Variants in PALM2AKAP2 observed in about 807,000 individuals in gnomAD.
PALM2AKAP2 encodes PALM2 and AKAP2 fusion.
A neutral mutation model predicts 71.5 loss-of-function variants in PALM2AKAP2; 37 were observed. The ratio of observed to expected loss-of-function variants is 0.52; its 90% confidence interval spans 0.40 to 0.68. The LOEUF is 0.68. Ranked by LOEUF, PALM2AKAP2 falls within the 30% of genes least tolerant of loss-of-function variation. The pLI, the probability that PALM2AKAP2 is intolerant of heterozygous loss-of-function variation, is 0.00. For missense variants in PALM2AKAP2, 1,224 were observed against 1,191.8 expected (o/e 1.03, Z -0.40); for synonymous variants, 468 against 478.8 (o/e 0.98, Z 0.29).
intron 6 of PALM2AKAP2, among the ~76,000 whole-genome samples, chr9:109,959,389 T>C (rs557884068): frequency 1.3e-5 from 2 of 152,268 alleles, no homozygotes; most frequent in East Asian, 3.9e-4. Context: ...CTCAAGCCTG[T>C]AATCCCAGCA....
chr9:109,899,010 G>A (rs1210172258), intron 3 of PALM2AKAP2, among the ~76,000 whole-genome samples: 1 of 152,030 alleles, frequency 6.6e-6, no homozygotes, highest in Non-Finnish European at 1.5e-5. Context: ...CTTGACTTGG[G>A]GCTCCTTTCT....
At chr9:110,071,144 ACAGAGCGAGACT>A (rs1426339481) in intron 1 of PALM2AKAP2, among the ~76,000 whole-genome samples, 1 of 101,760 alleles carries the variant, frequency 9.8e-6, no homozygotes, top group Non-Finnish European at 1.9e-5. Flanking sequence ...AGCCTGGGCA[ACAGAGCGAGACT>A]CTGTTTCAAA....
At chr9:109,962,854 G>C (rs1831878489) in intron 6 of PALM2AKAP2, among the ~76,000 whole-genome samples, 2 of 152,212 alleles carry the variant, frequency 1.3e-5, no homozygotes, top group African/African-American at 4.8e-5. Flanking sequence ...ATGTTGGCCA[G>C]GCTGGTCTCA....
chr9:109,752,310 A>G (rs562229042), intron 1 of PALM2AKAP2, among the ~76,000 whole-genome samples: 6 of 152,266 alleles, frequency 3.9e-5, no homozygotes, highest in African/African-American at 1.2e-4. Context: ...TTAGCAAGCC[A>G]CAGCTTTTCA....
At chr9:109,783,063 C>A (rs1826862421) in intron 1 of PALM2AKAP2, among the ~76,000 whole-genome samples, 2 of 152,070 alleles carry the variant, frequency 1.3e-5, no homozygotes. Flanking sequence ...CTCTCAGAGG[C>A]AGAGAATCGA....
At chr9:109,916,227 G>A (rs1268776420) in intron 3 of PALM2AKAP2, among the ~76,000 whole-genome samples, 3 of 152,178 alleles carry the variant, frequency 2.0e-5, no homozygotes, top group African/African-American at 7.2e-5. Context: ...TTGTAAGTAA[G>A]AAGGGCAAAG....
At chr9:110,023,148 C>T (rs260190) in intron 7 of PALM2AKAP2, among the ~76,000 whole-genome samples, 78,404 of 149,220 alleles carry the variant, frequency 0.53, 20,703 homozygotes, top group Admixed American at 0.58. Context: ...CCTGAGGAAT[C>T]GCCACACTGA....
chr9:110,097,210 C>T (rs887116239), intron 1 of PALM2AKAP2, among the ~76,000 whole-genome samples: 8 of 150,754 alleles, frequency 5.3e-5, no homozygotes, highest in Non-Finnish European at 1.2e-4. Flanking sequence ...TTGCACCGCC[C>T]TTAATCCATT....
At chr9:109,769,520 A>G (rs1729823720) in intron 1 of PALM2AKAP2, among the ~76,000 whole-genome samples, 1 of 152,190 alleles carries the variant, frequency 6.6e-6, no homozygotes, top group South Asian at 2.1e-4. Context: ...TTTTCCTTGG[A>G]AGCCACAGAG....
At chr9:110,085,997 C>G (rs564343192) in intron 1 of PALM2AKAP2, among the ~76,000 whole-genome samples, 2 of 151,718 alleles carry the variant, frequency 1.3e-5, no homozygotes, top group South Asian at 2.1e-4. Context: ...ATCCTGGCTA[C>G]TCGGGAGGTT....
intron 1 of PALM2AKAP2, among the ~76,000 whole-genome samples, chr9:109,786,174 G>T (rs1826960459): frequency 6.6e-6 from 1 of 152,250 alleles, no homozygotes; most frequent in South Asian, 2.1e-4. Context: ...TGAGTACCAG[G>T]CTTGGAGTGT....
chr9:109,881,498 G>C lies in PALM2AKAP2; in HGVS notation c.257+817G>C, dbSNP rs5028613. The stretch of plus-strand genomic sequence containing the variant: ...TGGGATTGAAATGAAGAGTGTGGAA[G>C]TGCTGAGTGAGAGCACCTCTGTAGG... On this transcript the variant is annotated intron_variant, in intron 3 of 9. Coordinates refer to the PALM2AKAP2 transcript ENST00000302798. Among the ~76,000 whole-genome samples the C allele has an allele frequency of 1.1e-4, 17 of 152,316 alleles. No homozygotes were observed. The East Asian group carries it at 3.3e-3, about 29-fold the overall frequency.
At chr9:109,974,852 G>A (rs1357784809) in intron 6 of PALM2AKAP2, among the ~76,000 whole-genome samples, 1 of 152,164 alleles carries the variant, frequency 6.6e-6, no homozygotes, top group Non-Finnish European at 1.5e-5. Context: ...CAAGAAGCAA[G>A]CACAGATGCA....
intron 1 of PALM2AKAP2, among the ~76,000 whole-genome samples, chr9:109,783,900 A>G (rs1042736912): frequency 1.3e-5 from 2 of 152,256 alleles, no homozygotes. Flanking sequence ...TCTGTGGAAT[A>G]TCCGCCCCCA....
intron 1 of PALM2AKAP2, among the ~76,000 whole-genome samples, chr9:110,057,064 G>A (rs1833857553): frequency 1.3e-5 from 2 of 152,098 alleles, no homozygotes; most frequent in South Asian, 2.1e-4. Context: ...CGGTTCCCAG[G>A]CAGGATGGTA....
chr9:110,003,944 C>T (rs1414715320), intron 6 of PALM2AKAP2, among the ~76,000 whole-genome samples: 9 of 152,096 alleles, frequency 5.9e-5, no homozygotes, highest in Non-Finnish European at 8.8e-5. Context: ...AGGTAGGTTT[C>T]CTGAATATAG....
chr9:109,725,458 A>G (rs1463848890), intron 1 of PALM2AKAP2, among the ~76,000 whole-genome samples: 1 of 152,218 alleles, frequency 6.6e-6, no homozygotes, highest in African/African-American at 2.4e-5. Flanking sequence ...CAAAATGTTT[A>G]GGTATGCTTA....
chr9:110,017,018 T>C (rs1202005927), intron 7 of PALM2AKAP2, among the ~76,000 whole-genome samples: 1 of 152,166 alleles, frequency 6.6e-6, no homozygotes, highest in Non-Finnish European at 1.5e-5. Flanking sequence ...TAGCTGGGAC[T>C]ACAGGCGCCA....
intron 7 of PALM2AKAP2, among the ~76,000 whole-genome samples, chr9:110,021,242 C>T (rs914480732): frequency 1.3e-5 from 2 of 152,158 alleles, no homozygotes; most frequent in Non-Finnish European, 2.9e-5. Flanking sequence ...GGGACTGAGG[C>T]AGAGGTTGAA....
Sources: gnomAD v4.1 joint callset for allele counts (sites outside exome capture counted in the v4.1 genomes callset) on GRCh38, gnomAD v4.1.1 for gene constraint, MANE v1.5 for transcripts, NCBI Gene and HGNC (gene_info 2026-07-23, HGNC 2026-07-21) for gene names.